The following MAPK10 variants were observed in gnomAD, a reference collection of about 807,000 sequenced individuals.
MAPK10 encodes the protein mitogen-activated protein kinase 10.
A neutral mutation model predicts 59.3 loss-of-function variants in MAPK10; 25 were observed. The ratio of observed to expected loss-of-function variants is 0.42; its 90% CI spans 0.31 to 0.59. MAPK10 has a LOEUF of 0.59. MAPK10 is among the 20% of genes least tolerant of loss of function. The pLI is 0.15. For missense variants in MAPK10, 351 were observed against 568.9 expected (o/e 0.62, Z 3.90); for synonymous variants, 190 against 200.5 (o/e 0.95, Z 0.44).
chr4:86,436,384 A>C (rs1012202327), intron 1 of MAPK10, among the ~76,000 whole-genome samples: 4 of 152,232 alleles, frequency 2.6e-5, no homozygotes, highest in Non-Finnish European at 5.9e-5. Context: ...AGCAAGCATA[A>C]TGATAGCAAA....
chr4:86,249,160 G>GCA (rs2093281659), intron 2 of MAPK10, among the ~76,000 whole-genome samples: 2 of 129,876 alleles, frequency 1.5e-5, no homozygotes, highest in South Asian at 4.4e-4. Context: ...ATACATACAT[G>GCA]CATACACACA....
At chr4:86,144,534 T>C (rs1456845386) in intron 4 of MAPK10, among the ~76,000 whole-genome samples, 5 of 152,324 alleles carry the variant, frequency 3.3e-5, no homozygotes, top group African/African-American at 9.6e-5. Flanking sequence ...TTCCAAATGA[T>C]TGTAAAATAG....
intron 1 of MAPK10, among the ~76,000 whole-genome samples, chr4:86,547,377 G>A (rs1037020083): frequency 5.3e-5 from 8 of 152,232 alleles, no homozygotes; most frequent in Non-Finnish European, 8.8e-5. Context: ...TGGGCTCTGC[G>A]GACCCGCACT....
At chr4:86,462,411 G>A (rs1458264934) in intron 1 of MAPK10, among the ~76,000 whole-genome samples, 1 of 152,184 alleles carries the variant, frequency 6.6e-6, no homozygotes, top group African/African-American at 2.4e-5. Context: ...AAATGAACAG[G>A]AGGATTTGGA....
At chr4:86,062,758 A>G (rs1207288074) in intron 11 of MAPK10, among the ~76,000 whole-genome samples, 1 of 152,116 alleles carries the variant, frequency 6.6e-6, no homozygotes, top group Non-Finnish European at 1.5e-5. Flanking sequence ...TTTATACTTA[A>G]TTTTTGTAAA....
intron 4 of MAPK10, among the ~76,000 whole-genome samples, chr4:86,153,937 C>T (rs1282022391): frequency 1.3e-5 from 2 of 151,990 alleles, no homozygotes; most frequent in South Asian, 4.1e-4. Context: ...TGGAAAATGC[C>T]AGGGATGAAG....
chr4:86,423,770 CAT>C lies in MAPK10; in HGVS notation c.-122+29258_-122+29259del, dbSNP rs539111577. ...ATAAGTAATTAGTGGGATATATATA[CAT>C]ATATATATATATATATATATATATG... is the stretch of plus-strand genomic sequence containing the variant. On this transcript the variant is annotated intron_variant, in intron 1 of 13. Transcript: ENST00000361569. 3.4e-3 allele frequency among the ~76,000 whole-genome samples: 309 copies of C among 91,532 alleles called. 9 individuals are homozygous for C. Among genetic ancestry groups the C allele is most frequent in the East Asian group, 0.032 (107 of 3,298 alleles). 60.0% of individuals were successfully genotyped at this position (91,532 alleles called of 152,430 possible).
chr4:86,262,490 A>G (rs939112547), intron 2 of MAPK10, among the ~76,000 whole-genome samples: 1 of 152,184 alleles, frequency 6.6e-6, no homozygotes, highest in Non-Finnish European at 1.5e-5. Flanking sequence ...AGATAATAGA[A>G]TAATACATAA....
At chr4:86,137,286 A>G (rs1347048234) in intron 4 of MAPK10, among the ~76,000 whole-genome samples, 1 of 151,818 alleles carries the variant, frequency 6.6e-6, no homozygotes, top group Admixed American at 6.5e-5. Flanking sequence ...ACTTGGAAGT[A>G]AAGCTGTCCT....
At position 86,105,155 on chromosome 4, in the gene MAPK10, A is replaced by G. The variant is rs533394584; in HGVS notation, c.367-1911T>C. Among the ~76,000 whole-genome samples, 80 of 152,308 alleles carry G rather than the reference A, an allele frequency of 5.3e-4. 1 individual carries two copies. The South Asian group carries it at 0.015, about 28-fold the overall frequency. ...GGGGACCAAACTAACACCATAAAGA[A>G]GTATTTTCTAAACAGATTTTCTTCA... On this transcript the variant is annotated intron_variant, in intron 5 of 13. Coordinates refer to ENST00000641462, the MANE Select transcript of MAPK10 (RefSeq NM_138982.4).
chr4:86,068,211 G>A (rs1008925738), intron 9 of MAPK10, among the ~76,000 whole-genome samples: 1 of 151,970 alleles, frequency 6.6e-6, no homozygotes, highest in Non-Finnish European at 1.5e-5. Flanking sequence ...ATAGTCTTTG[G>A]GGTGTACAGA....
At chr4:86,517,200 G>C (rs1286174794) in intron 1 of MAPK10, among the ~76,000 whole-genome samples, 2 of 150,616 alleles carry the variant, frequency 1.3e-5, no homozygotes, top group African/African-American at 2.4e-5. Context: ...TATTTATGTG[G>C]TGTATCATAT....
chr4:86,260,203 A>C (rs1480105382), intron 2 of MAPK10, among the ~76,000 whole-genome samples: 2 of 152,084 alleles, frequency 1.3e-5, no homozygotes, highest in Non-Finnish European at 2.9e-5. Context: ...TTTTGGACCC[A>C]GGCTGTTTGA....
chr4:86,266,763 T>G (rs1217728879), intron 2 of MAPK10, among the ~76,000 whole-genome samples: 2 of 152,166 alleles, frequency 1.3e-5, no homozygotes, highest in Non-Finnish European at 2.9e-5. Flanking sequence ...TCTTAAGCTT[T>G]GAATTTATTA....
chr4:86,149,128 T>G (rs2065744852), intron 4 of MAPK10, among the ~76,000 whole-genome samples: 1 of 152,244 alleles, frequency 6.6e-6, no homozygotes, highest in Non-Finnish European at 1.5e-5. Context: ...GCCTGGTTCT[T>G]GGCTTTTGCC....
chr4:86,096,107 A>C (rs1359778311), intron 9 of MAPK10, among the ~76,000 whole-genome samples: 1 of 151,620 alleles, frequency 6.6e-6, no homozygotes, highest in African/African-American at 2.4e-5. Flanking sequence ...ACTTGAGATA[A>C]AGAAATATAT....
intron 2 of MAPK10, among the ~76,000 whole-genome samples, chr4:86,237,888 C>T (rs555815239): frequency 1.3e-5 from 2 of 152,206 alleles, no homozygotes; most frequent in African/African-American, 4.8e-5. Flanking sequence ...GTTGCAATTC[C>T]TTTTGGTGTT....
chr4:86,348,053 A>C (rs1371266621), intron 2 of MAPK10, among the ~76,000 whole-genome samples: 1 of 152,166 alleles, frequency 6.6e-6, no homozygotes, highest in East Asian at 1.9e-4. Context: ...CTCATTTGTA[A>C]GGTATTTGAT....
chr4:86,378,862 G>C (rs1329304289), intron 1 of MAPK10, among the ~76,000 whole-genome samples: 1 of 152,146 alleles, frequency 6.6e-6, no homozygotes, highest in Non-Finnish European at 1.5e-5. Context: ...ATTGCTACAG[G>C]CAATATACAA....
Sources: allele counts gnomAD v4.1 joint callset (sites outside exome capture counted in the v4.1 genomes callset), GRCh38; gene constraint gnomAD v4.1.1; transcripts MANE v1.5; gene names NCBI Gene and HGNC (gene_info 2026-07-23, HGNC 2026-07-21).